MEGF6: variants seen among roughly 807,000 people sequenced by gnomAD.
The protein encoded by MEGF6 is multiple epidermal growth factor-like domains protein 6.
Under a neutral mutation model 207.1 loss-of-function variants are expected in MEGF6, and 184 were observed. The observed-to-expected ratio is 0.89, with a 90% confidence interval of 0.79 to 1.00. The LOEUF (loss-of-function observed/expected upper bound fraction) is 1.00, where lower values mean the gene tolerates loss of function less well. Ranked by LOEUF, MEGF6 falls within the 50% of genes least tolerant of loss-of-function variation. MEGF6 has a pLI of 0.00. For synonymous variants in MEGF6, 1,038 were observed against 910.0 expected, an observed-to-expected ratio of 1.14 and a Z score of -2.53; for missense variants, 2,282 against 2,202.9, an observed-to-expected ratio of 1.04 and a Z score of -0.72.
Position 3,611,056 on chromosome 1 carries a change from C to T in MEGF6, c.131+82G>A, listed in dbSNP as rs538591029. The T allele has an allele frequency of 6.8e-5, 93 of 1,366,042 alleles. No homozygotes were observed. The African/African-American group carries it at 1.3e-3, about 19-fold the overall frequency. The allele number at this position is 1,366,042 out of a possible 1,614,324, so 84.6% of individuals were successfully genotyped here. ...TTCTGGAGCCCCAGGGACAAAGCCTCGGAGCTCGGTCCACCACGGGCCTCC... is the reference window on the plus strand; with the variant it reads ...TTCTGGAGCCCCAGGGACAAAGCCTTGGAGCTCGGTCCACCACGGGCCTCC... On this transcript the variant is annotated intron_variant, in intron 1 of 36. Transcript: ENST00000356575.
intron 23 of MEGF6, 91 bp downstream of exon 23, chr1:3,499,497 A>C: frequency 6.6e-7 from 1 of 1,508,538 alleles, no homozygotes; most frequent in Non-Finnish European, 8.9e-7. Context: ...GTAGCTTCAG[A>C]CACTCAGGAC....
chr1:3,538,117 C>T (rs765615289), intron 4 of MEGF6, among the ~76,000 whole-genome samples: 23 of 152,228 alleles, frequency 1.5e-4, no homozygotes, highest in Non-Finnish European at 2.6e-4. Flanking sequence ...CATGCCACCC[C>T]GCCCCTGCAA....
At chr1:3,574,168 A>G (rs1345140500) in intron 4 of MEGF6, among the ~76,000 whole-genome samples, 1 of 151,788 alleles carries the variant, frequency 6.6e-6, no homozygotes, top group African/African-American at 2.4e-5. Context: ...AGGACCACTG[A>G]TGTCTCCCCC....
intron 4 of MEGF6, among the ~76,000 whole-genome samples, chr1:3,569,052 G>T (rs570555054): frequency 1.3e-5 from 2 of 152,336 alleles, no homozygotes; most frequent in East Asian, 3.9e-4. Flanking sequence ...GTCTGCCAGA[G>T]GCCAGGGCAC....
chr1:3,552,001 A>G (rs1642903858), intron 4 of MEGF6, among the ~76,000 whole-genome samples: 1 of 151,894 alleles, frequency 6.6e-6, no homozygotes, highest in African/African-American at 2.4e-5. Context: ...CTTGAACCAC[A>G]CTTGTCCCCA....
Position 3,599,735 on chromosome 1 carries a change from G to A in MEGF6, c.266+2731C>T, listed in dbSNP as rs914117404. 2.6e-5 allele frequency among the ~76,000 whole-genome samples: 4 copies of A among 152,192 alleles called. No homozygotes were observed. The South Asian group carries it at 6.2e-4, about 24-fold the overall frequency. On this transcript the variant is annotated intron_variant, in intron 2 of 36. Transcript: ENST00000356575. ...TGCGTAGAGGCTGAGGGGCGTGCGT[G>A]GTGCCCTGCCGGCCAGCACTCATGC...
intron 2 of MEGF6, among the ~76,000 whole-genome samples, chr1:3,600,722 A>T (rs189684450): frequency 6.6e-6 from 1 of 152,306 alleles, no homozygotes; most frequent in African/African-American, 2.4e-5. Context: ...GTGCCCACGA[A>T]CAGCCCCAGA....
intron 1 of MEGF6, among the ~76,000 whole-genome samples, chr1:3,607,091 T>G (rs1644260213): frequency 6.6e-6 from 1 of 151,920 alleles, no homozygotes. Context: ...CGGCCGGGGT[T>G]AGGGGTACTG....
chr1:3,545,992 G>A (rs927467322), intron 4 of MEGF6, among the ~76,000 whole-genome samples: 7 of 152,186 alleles, frequency 4.6e-5, no homozygotes, highest in South Asian at 4.1e-4. Flanking sequence ...ACAGCGTTGC[G>A]TTTGGCAAGG....
chr1:3,499,026 A>G, intron 24 of MEGF6, 112 bp downstream of exon 24: 1 of 1,476,664 alleles, frequency 6.8e-7, no homozygotes, highest in South Asian at 1.3e-5. Flanking sequence ...CCTCAGTCCT[A>G]ACAGCCCCTT....
chr1:3,543,893 CGTGCCTGG>C (rs1642612627), intron 4 of MEGF6, among the ~76,000 whole-genome samples: 2 of 152,196 alleles, frequency 1.3e-5, no homozygotes, highest in African/African-American at 2.4e-5. Context: ...CACCACCTGC[CGTGCCTGG>C]ACGCCCAGCC....
chr1:3,550,191 T>C (rs1642839723), intron 4 of MEGF6, among the ~76,000 whole-genome samples: 1 of 151,994 alleles, frequency 6.6e-6, no homozygotes, highest in Non-Finnish European at 1.5e-5. Flanking sequence ...CTGCCCAAGA[T>C]AAATAGAAAC....
At chr1:3,505,048 C>T (rs1277370734) in intron 17 of MEGF6, among the ~76,000 whole-genome samples, 160 bp downstream of exon 17, 2 of 116,180 alleles carry the variant, frequency 1.7e-5, no homozygotes, top group African/African-American at 3.2e-5. Context: ...AAGGCAACAC[C>T]GGTAGCAAGG....
In MEGF6 at chr1:3,509,952, G is replaced by T; in HGVS notation, c.1275C>A (p.His425Gln). 1 of 1,581,694 alleles carries T rather than the reference G, an allele frequency of 6.3e-7. No homozygotes were observed. ...AGGAGCCGGCCAGGTTGGTGCAGTG[G>T]TGCTCGCAGCCGCCACGGCTGGAGG... The part of the protein sequence containing the change: ...ECASSRGGCE[H>Q]HCTNLAGSFQ... Residue 425 changes from histidine to glutamine, a missense_variant, in exon 11 of 37, where the codon CAC becomes CAA. His to Gln is a conservative substitution (Grantham distance 24). Coordinates refer to ENST00000356575, the MANE Select transcript of MEGF6 (RefSeq NM_001409.4).
At chr1:3,598,201 G>A (rs1425158261) in intron 2 of MEGF6, among the ~76,000 whole-genome samples, 2 of 152,170 alleles carry the variant, frequency 1.3e-5, no homozygotes, top group Non-Finnish European at 1.5e-5. Context: ...CAAGGCAGCC[G>A]GGCTGCCGTC....
At position 3,495,879 on chromosome 1, in the gene MEGF6, T is replaced by A. The variant is rs755767359; in HGVS notation, c.3871+11A>T. The stretch of plus-strand genomic sequence containing the variant: ...GGGCCTGTGAGCATGCCCTCTGGAG[T>A]GAACACTCACCTCGCTCACAGCGGA... On this transcript the variant is annotated intron_variant, in intron 30 of 36. Coordinates refer to ENST00000356575, the MANE Select transcript of MEGF6 (RefSeq NM_001409.4). The A allele has an allele frequency of 7.3e-5, 116 of 1,597,376 alleles. No individual in the cohort carries two copies. The highest frequency in any genetic ancestry group is 8.8e-5 in the Non-Finnish European group (104 of 1,179,008).
intron 4 of MEGF6, among the ~76,000 whole-genome samples, chr1:3,545,382 C>T (rs1232680814): frequency 6.6e-6 from 1 of 152,086 alleles, no homozygotes; most frequent in African/African-American, 2.4e-5. Context: ...CAGGCAGCCG[C>T]AGGGGGGAAA....
At chr1:3,520,597 T>A (rs1641709214) in intron 5 of MEGF6, among the ~76,000 whole-genome samples, 1 of 151,394 alleles carries the variant, frequency 6.6e-6, no homozygotes, top group Non-Finnish European at 1.5e-5. Flanking sequence ...GCCGGGGCAA[T>A]GGGGCACACC....
In MEGF6 at chr1:3,553,172, A is replaced by AC. The variant is rs548658233; in HGVS notation, c.481+26652dup. Among the ~76,000 whole-genome samples, 885 of 120,688 alleles carry AC rather than the reference A, an allele frequency of 7.3e-3. 3 individuals carry two copies. The highest frequency in any genetic ancestry group is 0.012 in the Non-Finnish European group (673 of 57,244). 79.2% of individuals were successfully genotyped at this position (120,688 alleles called of 152,430 possible). A position where few individuals can be genotyped will look rare whatever the true frequency, so the allele number is the denominator to read the frequency against. ...CCATCACAAGCCCCGCCCCCCACTG[A>AC]CCCCCCAAATCCTCTTCCTTCCCTC... is the stretch of plus-strand genomic sequence containing the variant. On this transcript the variant is annotated intron_variant, in intron 4 of 36. Transcript: ENST00000356575.
Sources: gnomAD v4.1 joint callset for allele counts (sites outside exome capture counted in the v4.1 genomes callset) on GRCh38, gnomAD v4.1.1 for gene constraint, MANE v1.5 for transcripts, NCBI Gene and HGNC (gene_info 2026-07-23, HGNC 2026-07-21) for gene names.